Variants in LINGO1 observed in about 807,000 individuals in gnomAD.
LINGO1 encodes leucine rich repeat and Ig domain containing 1, also known as leucine-rich repeat and immunoglobulin-like domain-containing nogo receptor-interacting protein 1.
In LINGO1, 11 loss-of-function variants were observed where a neutral mutation model predicts 37.3. The observed-to-expected ratio is 0.29, with a 90% CI of 0.19 to 0.49. The LOEUF (loss-of-function observed/expected upper bound fraction) is 0.49, where lower values mean the gene tolerates loss of function less well. Ranked by LOEUF, LINGO1 falls within the 20% of genes least tolerant of loss-of-function variation. The probability of loss-of-function intolerance (pLI) is 0.99; values close to 1 mark genes in which losing one functional copy is unlikely to be tolerated. For synonymous variants in LINGO1, 387 were observed against 403.0 expected (o/e 0.96, Z 0.48); for missense variants, 585 against 878.2 (o/e 0.67, Z 4.22).
intron 1 of LINGO1, among the ~76,000 whole-genome samples, chr15:77,764,055 G>T (rs772779936): frequency 1.3e-5 from 2 of 152,238 alleles, no homozygotes; most frequent in Non-Finnish European, 2.9e-5. Context: ...GGCCTTTTAG[G>T]AGGGTGTCAA....
intron 2 of LINGO1, among the ~76,000 whole-genome samples, chr15:77,794,586 ATATAT>A (rs2076855902): frequency 3.9e-5 from 1 of 25,400 alleles, no homozygotes; most frequent in African/African-American, 8.4e-5. Context: ...ATATATATAT[ATATAT>A]TTTTTTTTTT....
intron 2 of LINGO1, among the ~76,000 whole-genome samples, chr15:77,725,602 AC>A (rs1160016095): frequency 1.2e-4 from 18 of 152,168 alleles, no homozygotes; most frequent in African/African-American, 4.1e-4. Context: ...ATCTTGTTTA[AC>A]CCTCACAACT....
chr15:77,809,320 A>G (rs1037129077), intron 1 of LINGO1, among the ~76,000 whole-genome samples: 1 of 152,224 alleles, frequency 6.6e-6, no homozygotes, highest in African/African-American at 2.4e-5. Context: ...CCAGGCCTCA[A>G]AGGCAGCGGG....
At chr15:77,630,733 AG>A (rs2074230374) in intron 1 of LINGO1, among the ~76,000 whole-genome samples, 1 of 152,026 alleles carries the variant, frequency 6.6e-6, no homozygotes, top group Non-Finnish European at 1.5e-5. Flanking sequence ...GGGGGTGAGG[AG>A]GGGGGCAGAG....
At chr15:77,760,916 C>CTTTTTTTTTTTT (rs34524098) in intron 1 of LINGO1, among the ~76,000 whole-genome samples, 9 of 96,420 alleles carry the variant, frequency 9.3e-5, no homozygotes, top group African/African-American at 3.9e-4. Context: ...TAATAAGTAT[C>CTTTTTTTTTTTT]TTTTTTTTTT....
intron 1 of LINGO1, among the ~76,000 whole-genome samples, chr15:77,775,018 G>C (rs1203377114): frequency 6.6e-6 from 1 of 152,184 alleles, no homozygotes; most frequent in Non-Finnish European, 1.5e-5. Flanking sequence ...ACGTCGCCTG[G>C]GGCTGGGCCT....
intron 3 of LINGO1, among the ~76,000 whole-genome samples, chr15:77,653,591 G>A (rs907885031): frequency 3.9e-5 from 6 of 152,202 alleles, no homozygotes; most frequent in African/African-American, 7.2e-5. Context: ...TCTGTTAAAC[G>A]AGGCACGGGA....
rs150732226 is a variant in LINGO1 at position 77,709,661 on chromosome 15, T to A, written c.-194-18760A>T. ...TGAAAGTGGCATCACTGCTGAAAGG[T>A]CTTTCCCAACTCTCTCCTGAAGCTT... is the stretch of plus-strand genomic sequence containing the variant. On this transcript the variant is annotated intron_variant, in intron 2 of 3. Coordinates refer to the LINGO1 transcript ENST00000561686. Among the ~76,000 whole-genome samples the A allele has an allele frequency of 7.4e-4, 112 of 152,278 alleles. No individual in the cohort carries two copies. In the Middle Eastern group the frequency reaches 0.01, roughly 14 times the overall value.
intron 1 of LINGO1, among the ~76,000 whole-genome samples, chr15:77,746,688 C>T (rs887995153): frequency 3.3e-5 from 5 of 152,138 alleles, no homozygotes; most frequent in African/African-American, 9.7e-5. Context: ...GAGCCAGCCG[C>T]GCCATTGGCA....
At chr15:77,679,076 T>G (rs949645871) in intron 2 of LINGO1, among the ~76,000 whole-genome samples, 5 of 152,088 alleles carry the variant, frequency 3.3e-5, no homozygotes, top group Non-Finnish European at 5.9e-5. Context: ...AATTTTTGTA[T>G]TTTTAGTAGA....
At chr15:77,724,722 C>T (rs1003565754) in intron 2 of LINGO1, among the ~76,000 whole-genome samples, 3 of 152,174 alleles carry the variant, frequency 2.0e-5, no homozygotes, top group East Asian at 1.9e-4. Context: ...GAGAGGGCCA[C>T]GAGCACCCAG....
intron 2 of LINGO1, among the ~76,000 whole-genome samples, chr15:77,685,239 G>T (rs953599308): frequency 1.3e-5 from 2 of 152,152 alleles, no homozygotes; most frequent in Non-Finnish European, 2.9e-5. Context: ...GGGGTGATCT[G>T]TGGAGGAGGC....
intron 1 of LINGO1, among the ~76,000 whole-genome samples, chr15:77,748,184 C>G (rs1189999694): frequency 7.6e-4 from 116 of 152,348 alleles, no homozygotes; most frequent in Non-Finnish European, 3.2e-4. Context: ...GACTAGAAAC[C>G]CTTCTCAGCA....
chr15:77,760,577 C>G (rs2076465429), intron 1 of LINGO1, among the ~76,000 whole-genome samples: 1 of 152,170 alleles, frequency 6.6e-6, no homozygotes, highest in South Asian at 2.1e-4. Context: ...GATGGGTGGC[C>G]CTCCAGTTAT....
chr15:77,796,858 G>A (rs2076878003), intron 1 of LINGO1, among the ~76,000 whole-genome samples: 2 of 152,144 alleles, frequency 1.3e-5, no homozygotes, highest in African/African-American at 2.4e-5. Flanking sequence ...CTACAGTTGT[G>A]TGTATCACCA....
intron 3 of LINGO1, among the ~76,000 whole-genome samples, chr15:77,665,585 C>T (rs983699431): frequency 3.9e-5 from 6 of 152,362 alleles, no homozygotes; most frequent in African/African-American, 1.4e-4. Flanking sequence ...GCCCAGGTGG[C>T]CCTTTCCTGA....
chr15:77,617,823 T>C (rs1003344581), intron 1 of LINGO1, among the ~76,000 whole-genome samples: 3 of 152,222 alleles, frequency 2.0e-5, no homozygotes, highest in Non-Finnish European at 4.4e-5. Context: ...TGGTTGTTGA[T>C]TGACCAAGTC....
At chr15:77,711,884 G>A (rs889464727) in intron 2 of LINGO1, among the ~76,000 whole-genome samples, 3 of 70,378 alleles carry the variant, frequency 4.3e-5, no homozygotes, top group Admixed American at 1.3e-4. Context: ...TCTCCTCTGA[G>A]GGGGGGGCAC....
chr15:77,616,168 A>C (rs1265043289), intron 1 of LINGO1, among the ~76,000 whole-genome samples: 1 of 152,104 alleles, frequency 6.6e-6, no homozygotes, highest in East Asian at 1.9e-4. Flanking sequence ...GTCACCTCAG[A>C]CAGCCTGGCA....
Sources: allele counts gnomAD v4.1 joint callset (sites outside exome capture counted in the v4.1 genomes callset), GRCh38; gene constraint gnomAD v4.1.1; transcripts MANE v1.5; gene names NCBI Gene and HGNC (gene_info 2026-07-23, HGNC 2026-07-21).